The following SLC10A7 variants were observed in gnomAD, a reference collection of about 807,000 sequenced individuals.
The protein encoded by SLC10A7 is sodium/bile acid cotransporter 7.
Under a neutral mutation model 43.2 loss-of-function variants are expected in SLC10A7, and 29 were observed. The ratio of observed to expected loss-of-function variants is 0.67; its 90% confidence interval spans 0.50 to 0.92. The LOEUF is 0.92. Among genes scored for constraint, SLC10A7 ranks in the 40% least tolerant of loss-of-function variants. The pLI is 0.00. For synonymous variants in SLC10A7, 152 were observed against 144.8 expected (o/e 1.05, Z -0.35); for missense variants, 295 against 403.2 (o/e 0.73, Z 2.30).
At chr4:146,500,767 C>A (rs1200910246) in intron 4 of SLC10A7, among the ~76,000 whole-genome samples, 1 of 152,114 alleles carries the variant, frequency 6.6e-6, no homozygotes, top group Non-Finnish European at 1.5e-5. Context: ...GTTGTCTCTA[C>A]TTCTATCTCT....
intron 5 of SLC10A7, among the ~76,000 whole-genome samples, chr4:146,333,542 CAGA>C (rs781553140): frequency 5.3e-5 from 8 of 151,896 alleles, no homozygotes; most frequent in African/African-American, 7.3e-5. Flanking sequence ...GGAGTCAGAA[CAGA>C]AGAAGGGAAG....
At chr4:146,348,327 C>T (rs1734772041) in intron 5 of SLC10A7, among the ~76,000 whole-genome samples, 1 of 151,992 alleles carries the variant, frequency 6.6e-6, no homozygotes, top group African/African-American at 2.4e-5. Context: ...TGGAATTTTC[C>T]CTATTATACC....
rs1560991521 is a variant in SLC10A7, at chr4:146,519,093, ATATATATATATATATAT to A, written c.101-1990_101-1974del. Among the ~76,000 whole-genome samples, 125 of 114,064 alleles carry A rather than the reference ATATATATATATATATAT, an allele frequency of 1.1e-3. 4 individuals carry two copies. The highest frequency in any genetic ancestry group is 1.5e-3 in the Non-Finnish European group (87 of 57,018). 74.8% of individuals were successfully genotyped at this position (114,064 alleles called of 152,430 possible). ...TATATATATATATATATATATATATATATATATATATATATATATAATATAATATATAATTAATATAT... is the reference window on the plus strand; with the variant it reads ...TATATATATATATATATATATATATAATAATATAATATATAATTAATATAT... On this transcript the variant is annotated intron_variant, in intron 1 of 11. Transcript: ENST00000335472.
intron 5 of SLC10A7, among the ~76,000 whole-genome samples, chr4:146,396,150 T>C (rs17021447): frequency 0.56 from 85,524 of 151,900 alleles, 24,540 homozygotes; most frequent in East Asian, 0.78. Flanking sequence ...GATTCTGGTA[T>C]CATTTGACAT....
intron 9 of SLC10A7, among the ~76,000 whole-genome samples, chr4:146,289,077 G>A (rs1310952556): frequency 1.3e-5 from 2 of 152,170 alleles, no homozygotes; most frequent in East Asian, 3.9e-4. Flanking sequence ...TCCAAGTGAG[G>A]CCTCTTCTTT....
At chr4:146,340,420 T>C (rs6857911) in intron 5 of SLC10A7, among the ~76,000 whole-genome samples, 35,586 of 150,804 alleles carry the variant, frequency 0.24, 4,569 homozygotes, top group African/African-American at 0.35. Context: ...CAGGCTCTAG[T>C]AAAAAACAAA....
chr4:146,469,743 C>T (rs1036483717), intron 4 of SLC10A7, among the ~76,000 whole-genome samples: 12 of 152,228 alleles, frequency 7.9e-5, no homozygotes, highest in Middle Eastern at 3.4e-3. Flanking sequence ...ATCCTCCCAC[C>T]GCAGCTTCCC....
chr4:146,338,130 CA>C (rs992469318), intron 5 of SLC10A7, among the ~76,000 whole-genome samples: 2 of 151,864 alleles, frequency 1.3e-5, no homozygotes, highest in African/African-American at 4.8e-5. Context: ...AATGAAAGAA[CA>C]AATGAATAGA....
chr4:146,288,264 T>C (rs985251445), intron 9 of SLC10A7, among the ~76,000 whole-genome samples: 4 of 152,226 alleles, frequency 2.6e-5, no homozygotes, highest in Non-Finnish European at 5.9e-5. Flanking sequence ...GGAAAGCTGA[T>C]AGAGCAGATG....
At chr4:146,412,501 C>A (rs1442725352) in intron 5 of SLC10A7, among the ~76,000 whole-genome samples, 1 of 152,096 alleles carries the variant, frequency 6.6e-6, no homozygotes, top group Non-Finnish European at 1.5e-5. Context: ...GTTCTTCTAG[C>A]TTAGCCTGCC....
At chr4:146,355,731 C>G (rs1197831340) in intron 5 of SLC10A7, among the ~76,000 whole-genome samples, 1 of 151,272 alleles carries the variant, frequency 6.6e-6, no homozygotes, top group Non-Finnish European at 1.5e-5. Context: ...GAGTTCATGT[C>G]CTTTGTAGGG....
chr4:146,261,517 C>T (rs1277400634), intron 10 of SLC10A7, among the ~76,000 whole-genome samples: 1 of 152,192 alleles, frequency 6.6e-6, no homozygotes, highest in Non-Finnish European at 1.5e-5. Flanking sequence ...AATCAATTCC[C>T]TGTATTCAAA....
At chr4:146,468,550 A>G (rs1349985840) in intron 4 of SLC10A7, among the ~76,000 whole-genome samples, 2 of 150,444 alleles carry the variant, frequency 1.3e-5, no homozygotes, top group Non-Finnish European at 2.9e-5. Context: ...GCTCACTGCA[A>G]CCTCTGCCTC....
At chr4:146,318,467 TCA>T (rs1732473759) in intron 6 of SLC10A7, among the ~76,000 whole-genome samples, 2 of 152,132 alleles carry the variant, frequency 1.3e-5, no homozygotes, top group South Asian at 4.1e-4. Flanking sequence ...CCAAAATTTC[TCA>T]GTGTTCCTCC....
At chr4:146,484,056 T>C (rs764502016) in intron 4 of SLC10A7, among the ~76,000 whole-genome samples, 3 of 152,146 alleles carry the variant, frequency 2.0e-5, no homozygotes, top group Admixed American at 1.3e-4. Context: ...CCACTTTTAA[T>C]AATGAAAAGA....
At chr4:146,417,804 G>T (rs906862971) in intron 5 of SLC10A7, among the ~76,000 whole-genome samples, 2 of 152,068 alleles carry the variant, frequency 1.3e-5, no homozygotes, top group Non-Finnish European at 2.9e-5. Flanking sequence ...TACAGATTTG[G>T]CTAAGGGCTT....
intron 1 of SLC10A7, among the ~76,000 whole-genome samples, chr4:146,520,717 A>C (rs534099142): frequency 5.9e-5 from 9 of 152,334 alleles, no homozygotes; most frequent in Non-Finnish European, 1.2e-4. Context: ...CGGTTGCATG[A>C]GTTAGGTATT....
rs1560736319 is a variant in SLC10A7, at chr4:146,255,525, G to A, written c.*966C>T. The A allele has an allele frequency of 6.6e-6, 1 of 152,472 alleles. No homozygotes were observed. The highest frequency in any genetic ancestry group is 1.9e-4 in the East Asian group (1 of 5,202). 9.4% of individuals were successfully genotyped at this position (152,472 alleles called of 1,614,324 possible). On this transcript the variant is annotated 3_prime_UTR_variant, in exon 12 of 12. Transcript: ENST00000335472. ...TAATAAATTGTCTCAAATACCTTAA[G>A]TGTGCTTAATTCCAGGATGTAACAG... is the stretch of plus-strand genomic sequence containing the variant.
chr4:146,373,934 G>A (rs905471202), intron 5 of SLC10A7, among the ~76,000 whole-genome samples: 8 of 152,142 alleles, frequency 5.3e-5, no homozygotes, highest in Admixed American at 1.3e-4. Flanking sequence ...GGATAAATTC[G>A]ACAGATATTC....
Sources: allele counts gnomAD v4.1 joint callset (sites outside exome capture counted in the v4.1 genomes callset), GRCh38; gene constraint gnomAD v4.1.1; transcripts MANE v1.5; gene names NCBI Gene and HGNC (gene_info 2026-07-23, HGNC 2026-07-21).